XKR6: variants seen among roughly 807,000 people sequenced by gnomAD.
XKR6 encodes the protein XK-related protein 6.
Under a neutral mutation model 56.7 loss-of-function variants are expected in XKR6, and 22 were observed. The observed-to-expected ratio is 0.39, with a 90% CI of 0.28 to 0.55. XKR6 has a LOEUF of 0.55. Among genes scored for constraint, XKR6 ranks in the 20% least tolerant of loss-of-function variants. The pLI is 0.66. For missense variants in XKR6, 852 were observed against 889.0 expected, an observed-to-expected ratio of 0.96 and a Z score of 0.53; for synonymous variants, 524 against 387.8, an observed-to-expected ratio of 1.35 and a Z score of -4.13.
intron 2 of XKR6, among the ~76,000 whole-genome samples, chr8:10,901,108 T>G (rs1041118970): frequency 4.0e-5 from 6 of 148,344 alleles, no homozygotes; most frequent in African/African-American, 1.5e-4. Flanking sequence ...CAGGCTGGAG[T>G]GCAGTGGCAT....
At chr8:11,004,903 G>A (rs1798330288) in intron 1 of XKR6, among the ~76,000 whole-genome samples, 1 of 152,170 alleles carries the variant, frequency 6.6e-6, no homozygotes, top group Non-Finnish European at 1.5e-5. Flanking sequence ...GATGAACCTT[G>A]CAGACCTTAT....
intron 2 of XKR6, among the ~76,000 whole-genome samples, chr8:10,921,641 T>A (rs1800722696): frequency 6.6e-6 from 1 of 152,196 alleles, no homozygotes. Context: ...CAAGAGGGTA[T>A]AAGTGGTGAC....
At chr8:11,158,943 A>C (rs1026686112) in intron 1 of XKR6, among the ~76,000 whole-genome samples, 1 of 152,160 alleles carries the variant, frequency 6.6e-6, no homozygotes, top group Admixed American at 6.5e-5. Flanking sequence ...GCAACTGAGG[A>C]CCCGCTTGCC....
intron 1 of XKR6, among the ~76,000 whole-genome samples, chr8:11,056,211 A>G (rs1799681705): frequency 6.6e-6 from 1 of 152,216 alleles, no homozygotes; most frequent in Admixed American, 6.5e-5. Context: ...GGGAGGCAGA[A>G]GCAAAATGAG....
chr8:11,190,373 CAT>C (rs1419552256), intron 1 of XKR6, among the ~76,000 whole-genome samples: 2 of 152,142 alleles, frequency 1.3e-5, no homozygotes, highest in African/African-American at 4.8e-5. Flanking sequence ...AGAGAACCAA[CAT>C]ATTTGAGTGC....
chr8:10,926,375 C>T (rs76964242), intron 1 of XKR6, among the ~76,000 whole-genome samples: 10 of 152,234 alleles, frequency 6.6e-5, no homozygotes, highest in African/African-American at 2.4e-4. Flanking sequence ...CAGTAAGCCC[C>T]GCTCACCAAC....
intron 1 of XKR6, among the ~76,000 whole-genome samples, chr8:11,119,573 C>A (rs1799346908): frequency 6.6e-6 from 1 of 152,056 alleles, no homozygotes; most frequent in African/African-American, 2.4e-5. Flanking sequence ...ATGGCCTTGT[C>A]TCTTTTGATC....
intron 1 of XKR6, among the ~76,000 whole-genome samples, chr8:11,134,967 TA>T (rs1380326080): frequency 5.3e-5 from 8 of 152,074 alleles, no homozygotes; most frequent in Non-Finnish European, 1.2e-4. Flanking sequence ...AAAGGCTGGC[TA>T]CAAATTTTGA....
intron 1 of XKR6, among the ~76,000 whole-genome samples, chr8:11,110,864 T>C (rs1479388246): frequency 2.0e-5 from 3 of 151,012 alleles, no homozygotes; most frequent in Admixed American, 2.0e-4. Context: ...TGAGGCGGAG[T>C]CTTGCTCTGT....
intron 1 of XKR6, among the ~76,000 whole-genome samples, chr8:11,116,059 G>C (rs1799157099): frequency 6.6e-6 from 1 of 152,174 alleles, no homozygotes; most frequent in African/African-American, 2.4e-5. Context: ...AAATCAATAA[G>C]CTTTGAAAGT....
At chr8:10,906,183 G>C (rs1800185318) in intron 2 of XKR6, among the ~76,000 whole-genome samples, 1 of 152,206 alleles carries the variant, frequency 6.6e-6, no homozygotes, top group African/African-American at 2.4e-5. Context: ...TTGCGGGCTT[G>C]AAATTGGCAT....
intron 1 of XKR6, among the ~76,000 whole-genome samples, chr8:10,990,959 A>C (rs1296519847): frequency 7.3e-6 from 1 of 136,162 alleles, no homozygotes; most frequent in Non-Finnish European, 1.5e-5. Flanking sequence ...CTGGAGTGCA[A>C]TGGCACGATC....
At chr8:10,928,951 G>A (rs778530898) in intron 1 of XKR6, among the ~76,000 whole-genome samples, 3 of 152,210 alleles carry the variant, frequency 2.0e-5, no homozygotes, top group African/African-American at 4.8e-5. Context: ...ATACACGGGG[G>A]TGAAAGCAGC....
chr8:11,169,476 T>C (rs1049873642), intron 1 of XKR6, among the ~76,000 whole-genome samples: 1 of 152,192 alleles, frequency 6.6e-6, no homozygotes, highest in Non-Finnish European at 1.5e-5. Flanking sequence ...AAAACTCTGA[T>C]ATATGTTAGA....
At chr8:11,123,762 A>G (rs1799600988) in intron 1 of XKR6, 1 of 432,308 alleles carries the variant, frequency 2.3e-6, no homozygotes, top group African/African-American at 2.0e-5. Flanking sequence ...AAAAAAAACA[A>G]AAAATGAAAA....
chr8:11,132,767 G>GCGCACACACA (rs1554468041), intron 1 of XKR6, among the ~76,000 whole-genome samples: 1 of 138,192 alleles, frequency 7.2e-6, no homozygotes, highest in African/African-American at 2.9e-5. Flanking sequence ...ACACACGCAC[G>GCGCACACACA]CACACACACA....
chr8:11,116,301 A>G (rs1032997779), intron 1 of XKR6, among the ~76,000 whole-genome samples: 7 of 152,176 alleles, frequency 4.6e-5, no homozygotes, highest in Non-Finnish European at 5.9e-5. Context: ...ATGCTCATCT[A>G]TGTATCCCAA....
At chr8:11,009,147 G>A (rs1435980389) in intron 1 of XKR6, among the ~76,000 whole-genome samples, 2 of 152,046 alleles carry the variant, frequency 1.3e-5, no homozygotes, top group Non-Finnish European at 2.9e-5. Flanking sequence ...TCATTCCATA[G>A]TCAATCAATC....
At chr8:10,941,633 G>A (rs1029855221) in intron 1 of XKR6, among the ~76,000 whole-genome samples, 3 of 152,210 alleles carry the variant, frequency 2.0e-5, no homozygotes, top group African/African-American at 4.8e-5. Context: ...ATGTGCTGAG[G>A]GACTGTGTGG....
Sources: gnomAD v4.1 joint callset for allele counts (sites outside exome capture counted in the v4.1 genomes callset) on GRCh38, gnomAD v4.1.1 for gene constraint, MANE v1.5 for transcripts, NCBI Gene and HGNC (gene_info 2026-07-23, HGNC 2026-07-21) for gene names.